Variants in FRMD4A observed in about 807,000 individuals in gnomAD.
The protein encoded by FRMD4A is FERM domain containing 4A.
In FRMD4A, 29 loss-of-function variants were observed where a neutral mutation model predicts 129.1. That is an observed-to-expected ratio of 0.22 (90% confidence interval 0.17 to 0.31). The LOEUF (loss-of-function observed/expected upper bound fraction) is 0.31. Ranked by LOEUF, FRMD4A falls within the 10% of genes least tolerant of loss-of-function variation. The pLI, the probability that FRMD4A is intolerant of heterozygous loss-of-function variation, is 1.00. For synonymous variants in FRMD4A, 634 were observed against 571.6 expected, an observed-to-expected ratio of 1.11 and a Z score of -1.56; for missense variants, 1,272 against 1,375.8, an observed-to-expected ratio of 0.92 and a Z score of 1.19.
intron 2 of FRMD4A, among the ~76,000 whole-genome samples, chr10:14,158,549 C>T (rs1286947377): frequency 6.6e-6 from 1 of 151,774 alleles, no homozygotes; most frequent in East Asian, 1.9e-4. Context: ...GAGTTAGAGG[C>T]TACAGAGAGC....
rs143455847 is a variant in FRMD4A at position 13,948,430 on chromosome 10, A to G, written c.46-89518T>C. On this transcript the variant is annotated intron_variant, in intron 2 of 24. Coordinates refer to ENST00000357447, the MANE Select transcript of FRMD4A (RefSeq NM_018027.5). ...TGCTGCTGAAATCTTTGGCCCTAAAATAGGCAATCAAGAGCCACTAAAGGT... is the reference window on the plus strand; with the variant it reads ...TGCTGCTGAAATCTTTGGCCCTAAAGTAGGCAATCAAGAGCCACTAAAGGT... Among the ~76,000 whole-genome samples the G allele has an allele frequency of 3.7e-3, 566 of 152,204 alleles. 11 individuals carry two copies. The highest frequency in any genetic ancestry group is 0.018 in the East Asian group (93 of 5,162).
At chr10:14,128,717 T>C (rs1589038034) in intron 2 of FRMD4A, among the ~76,000 whole-genome samples, 1 of 152,188 alleles carries the variant, frequency 6.6e-6, no homozygotes, top group Non-Finnish European at 1.5e-5. Context: ...TAACATCTTG[T>C]AGGTTGCAAA....
chr10:13,741,815 C>T (rs1177066157), intron 9 of FRMD4A, among the ~76,000 whole-genome samples: 5 of 152,168 alleles, frequency 3.3e-5, no homozygotes, highest in African/African-American at 1.2e-4. Flanking sequence ...AAACCAGCTA[C>T]CAGAATTAGA....
chr10:14,132,879 T>C (rs904494387), intron 2 of FRMD4A, among the ~76,000 whole-genome samples: 3 of 152,166 alleles, frequency 2.0e-5, no homozygotes, highest in East Asian at 3.9e-4. Flanking sequence ...GGTGATCTAC[T>C]CAATGGGAGT....
At chr10:13,659,737 G>A (rs963980654) in intron 20 of FRMD4A, among the ~76,000 whole-genome samples, 2 of 151,950 alleles carry the variant, frequency 1.3e-5, no homozygotes, top group Non-Finnish European at 2.9e-5. Flanking sequence ...CAGTGTGACG[G>A]TCCTGCCCTT....
At chr10:13,937,900 A>G (rs1305396286) in intron 2 of FRMD4A, among the ~76,000 whole-genome samples, 2 of 152,098 alleles carry the variant, frequency 1.3e-5, no homozygotes, top group Non-Finnish European at 1.5e-5. Flanking sequence ...CAATTCTTGC[A>G]TTTTTTCTAT....
At chr10:13,905,908 G>A (rs1462285012) in intron 2 of FRMD4A, among the ~76,000 whole-genome samples, 1 of 152,206 alleles carries the variant, frequency 6.6e-6, no homozygotes, top group Admixed American at 6.5e-5. Context: ...GGGGAACCTT[G>A]AGGAAAGAAT....
At chr10:13,895,444 C>T (rs2094746574) in intron 2 of FRMD4A, among the ~76,000 whole-genome samples, 1 of 152,108 alleles carries the variant, frequency 6.6e-6, no homozygotes, top group Non-Finnish European at 1.5e-5. Flanking sequence ...GCATAGTATT[C>T]CATGGTGTGT....
intron 3 of FRMD4A, among the ~76,000 whole-genome samples, chr10:13,843,606 T>C (rs2094001571): frequency 6.6e-6 from 1 of 152,212 alleles, no homozygotes; most frequent in Non-Finnish European, 1.5e-5. Flanking sequence ...CAAGCAGCTC[T>C]CCTGCCTCAG....
chr10:13,804,417 T>C (rs2093320028), intron 4 of FRMD4A, among the ~76,000 whole-genome samples: 1 of 152,220 alleles, frequency 6.6e-6, no homozygotes, highest in Admixed American at 6.5e-5. Context: ...CCAGTCACAG[T>C]TGAAACAAAC....
intron 15 of FRMD4A, 138 bp downstream of exon 15, chr10:13,693,760 C>A: frequency 1.1e-6 from 1 of 907,728 alleles, no homozygotes; most frequent in Non-Finnish European, 1.8e-6. Flanking sequence ...GGATCCCAAC[C>A]TTGGTCTGGA....
At chr10:13,752,705 A>C (rs2091684359) in intron 8 of FRMD4A, among the ~76,000 whole-genome samples, 1 of 152,226 alleles carries the variant, frequency 6.6e-6, no homozygotes, top group South Asian at 2.1e-4. Flanking sequence ...TTTTATGAGC[A>C]GAATCATGAA....
Position 13,753,871 on chromosome 10 carries a change from TAA to T in FRMD4A, c.465-6054_465-6053del, listed in dbSNP as rs2091742703. On this transcript the variant is annotated intron_variant, in intron 8 of 24. Coordinates refer to ENST00000357447, the MANE Select transcript of FRMD4A (RefSeq NM_018027.5). ...TGCCTTTATTTCTGTTGCTAATTGT[TAA>T]GTTATATAAGTAAGGATTTCTTCCT... Among the ~76,000 whole-genome samples, 16 of 152,332 alleles carry T rather than the reference TAA, an allele frequency of 1.1e-4. No homozygotes were observed. In the South Asian group the frequency reaches 3.3e-3, roughly 32 times the overall value.
chr10:14,302,753 A>G (rs1846225445), intron 2 of FRMD4A, among the ~76,000 whole-genome samples: 1 of 152,220 alleles, frequency 6.6e-6, no homozygotes. Context: ...TAATACTAAG[A>G]TATCTCATTA....
intron 12 of FRMD4A, among the ~76,000 whole-genome samples, chr10:13,732,515 C>T (rs753433074): frequency 3.9e-5 from 6 of 152,208 alleles, no homozygotes; most frequent in Non-Finnish European, 8.8e-5. Flanking sequence ...TAAACATGGG[C>T]TCTTCTTGTG....
intron 12 of FRMD4A, among the ~76,000 whole-genome samples, chr10:13,736,030 G>C (rs1297024420): frequency 6.6e-6 from 1 of 152,242 alleles, no homozygotes; most frequent in African/African-American, 2.4e-5. Flanking sequence ...GCAGGCGCCT[G>C]TAATCCAGCT....
At position 14,167,601 on chromosome 10, in the gene FRMD4A, G is replaced by A. The variant is rs146708355; in HGVS notation, c.45+162457C>T. On this transcript the variant is annotated intron_variant, in intron 2 of 24. Transcript: ENST00000357447. ...AATAAGAACACGATATAGTGGAGAG[G>A]CTCACAGTCCATTGCAAAAGGCAAT... Among the ~76,000 whole-genome samples, 19 of 151,588 alleles carry A rather than the reference G, an allele frequency of 1.3e-4. No homozygotes were observed. The East Asian group carries it at 3.3e-3, about 26-fold the overall frequency.
intron 2 of FRMD4A, among the ~76,000 whole-genome samples, chr10:14,154,777 A>G (rs563942696): frequency 2.4e-4 from 36 of 152,272 alleles, no homozygotes; most frequent in Non-Finnish European, 8.8e-5. Flanking sequence ...CAATTCTCCT[A>G]TTGCTTTTTT....
chr10:13,869,149 G>A (rs2094410489), intron 2 of FRMD4A, among the ~76,000 whole-genome samples: 2 of 152,156 alleles, frequency 1.3e-5, no homozygotes, highest in Non-Finnish European at 2.9e-5. Flanking sequence ...CGGTCTATGT[G>A]ATTCAAGCCA....
Sources: allele counts gnomAD v4.1 joint callset (sites outside exome capture counted in the v4.1 genomes callset), GRCh38; gene constraint gnomAD v4.1.1; transcripts MANE v1.5; gene names NCBI Gene and HGNC (gene_info 2026-07-23, HGNC 2026-07-21).